The following ZFP2 variants were observed in gnomAD, a reference collection of about 807,000 sequenced individuals.
ZFP2 encodes ZFP2 zinc finger protein, also known as zinc finger protein ZFP2.
A neutral mutation model predicts 36.1 loss-of-function variants in ZFP2; 33 were observed. The ratio of observed to expected loss-of-function variants is 0.92; its 90% confidence interval spans 0.69 to 1.22. The LOEUF is 1.22. ZFP2 is among the 50% of genes most tolerant of loss of function. The probability of loss-of-function intolerance (pLI) is 0.00; values close to 1 mark genes in which losing one functional copy is unlikely to be tolerated. For missense variants in ZFP2, 522 were observed against 551.4 expected (o/e 0.95, Z 0.53); for synonymous variants, 170 against 178.0 (o/e 0.96, Z 0.36).
At chr5:178,917,312 A>C (rs951368229) in intron 4 of ZFP2, among the ~76,000 whole-genome samples, 4 of 152,172 alleles carry the variant, frequency 2.6e-5, no homozygotes, top group African/African-American at 9.7e-5. Context: ...TCTGTGTTTC[A>C]CACATGATTT....
Position 178,932,042 on chromosome 5 carries a change from A to T in ZFP2, c.729A>T (p.Glu243Asp). ...QRTHTGEKPYECNECGKAFSQ... is the reference protein window; with the variant it reads ...QRTHTGEKPYDCNECGKAFSQ... ...CTCATACAGGAGAAAAACCCTATGA[A>T]TGTAATGAATGTGGAAAAGCCTTCA... The change falls in exon 5 of 5, where the codon GAA becomes GAT. Residue 243 changes from glutamate to aspartate, a missense_variant. Physicochemically the swap from Glu to Asp is conservative, Grantham distance 45. Transcript: ENST00000361362. 1 of 1,613,986 alleles carries T rather than the reference A, an allele frequency of 6.2e-7. No individual in the cohort carries two copies. Among genetic ancestry groups the T allele is most frequent in the Non-Finnish European group, 8.5e-7 (1 of 1,179,984 alleles).
At chr5:178,908,515 C>T (rs13171869) in intron 1 of ZFP2, among the ~76,000 whole-genome samples, 28,719 of 151,154 alleles carry the variant, frequency 0.19, 3,404 homozygotes, top group Non-Finnish European at 0.25. Context: ...TACAGACCTG[C>T]CCTTAGAAAC....
At chr5:178,916,222 G>C (rs1287149417) in intron 3 of ZFP2, among the ~76,000 whole-genome samples, 1 of 152,128 alleles carries the variant, frequency 6.6e-6, no homozygotes, top group Admixed American at 6.6e-5. Context: ...GAAAATGCCT[G>C]TTGGATTTGG....
At chr5:178,913,528 C>T (rs1758347523) in intron 3 of ZFP2, among the ~76,000 whole-genome samples, 1 of 152,174 alleles carries the variant, frequency 6.6e-6, no homozygotes, top group South Asian at 2.1e-4. Flanking sequence ...CATTTCTCTT[C>T]CTCTGCATTG....
At chr5:178,920,294 A>G (rs138640322) in intron 4 of ZFP2, among the ~76,000 whole-genome samples, 2 of 152,106 alleles carry the variant, frequency 1.3e-5, no homozygotes, top group East Asian at 1.9e-4. Context: ...TGTTGGACCT[A>G]TTTAGCAAGA....
chr5:178,914,659 G>T (rs79422601), intron 3 of ZFP2, among the ~76,000 whole-genome samples: 5 of 151,988 alleles, frequency 3.3e-5, no homozygotes, highest in Non-Finnish European at 7.3e-5. Context: ...AAGAAGGGAG[G>T]GGGGGACAGA....
chr5:178,911,977 A>G (rs1341508529), intron 1 of ZFP2, among the ~76,000 whole-genome samples: 1 of 152,138 alleles, frequency 6.6e-6, no homozygotes, highest in Non-Finnish European at 1.5e-5. Flanking sequence ...CTCTACTAAA[A>G]TTACAAAAAT....
chr5:178,921,005 A>C (rs1327007330), intron 4 of ZFP2, among the ~76,000 whole-genome samples: 1 of 152,212 alleles, frequency 6.6e-6, no homozygotes. Flanking sequence ...AGCTCAGACT[A>C]CAAAGTCCAA....
intron 1 of ZFP2, among the ~76,000 whole-genome samples, chr5:178,900,339 TC>T (rs1758029264): frequency 1.5e-5 from 1 of 68,486 alleles, no homozygotes; most frequent in African/African-American, 6.0e-5. Context: ...CACGTCCCCC[TC>T]CCCAGCCAGA....
At chr5:178,920,071 T>C (rs1364932305) in intron 4 of ZFP2, among the ~76,000 whole-genome samples, 1 of 152,218 alleles carries the variant, frequency 6.6e-6, no homozygotes. Flanking sequence ...CTTTTAACCA[T>C]GATTTCTTCA....
chr5:178,932,708 T>G lies in ZFP2; in HGVS notation c.*9T>G. On this transcript the variant is annotated 3_prime_UTR_variant, in exon 5 of 5. Transcript: ENST00000361362. The stretch of plus-strand genomic sequence containing the variant: ...AAAGAACTCATACGTGAGGAATGTT[T>G]TCACTGGCCCTTACCTCATGATTAA... 6.3e-7 allele frequency: 1 copy of G among 1,577,036 alleles called. No homozygotes were observed.
At chr5:178,924,866 A>G (rs959674560) in intron 4 of ZFP2, among the ~76,000 whole-genome samples, 1 of 147,864 alleles carries the variant, frequency 6.8e-6, no homozygotes, top group Non-Finnish European at 1.5e-5. Context: ...TAATAATAAT[A>G]ATAAGGCAGA....
intron 1 of ZFP2, among the ~76,000 whole-genome samples, chr5:178,904,429 C>A (rs1239120109): frequency 6.6e-6 from 1 of 152,104 alleles, no homozygotes; most frequent in Non-Finnish European, 1.5e-5. Context: ...TGGCCCCTCT[C>A]AGGAGATGGC....
chr5:178,916,085 G>A (rs1257459353), intron 3 of ZFP2, among the ~76,000 whole-genome samples: 2 of 152,168 alleles, frequency 1.3e-5, no homozygotes, highest in African/African-American at 4.8e-5. Flanking sequence ...CAATAACATA[G>A]TGAGGGGGCC....
chr5:178,927,725 G>A (rs1239679791), intron 4 of ZFP2, among the ~76,000 whole-genome samples: 1 of 149,068 alleles, frequency 6.7e-6, no homozygotes, highest in Non-Finnish European at 1.5e-5. Flanking sequence ...TAGTAGAGAT[G>A]GGGTTTTGCT....
At chr5:178,903,435 C>T (rs1758098942) in intron 1 of ZFP2, among the ~76,000 whole-genome samples, 1 of 152,190 alleles carries the variant, frequency 6.6e-6, no homozygotes, top group South Asian at 2.1e-4. Flanking sequence ...TCAGAAACAA[C>T]TATGATGTAC....
At position 178,931,259 on chromosome 5, in the gene ZFP2, C is replaced by A; in HGVS notation, c.-55C>A. The A allele has an allele frequency of 6.6e-7, 1 of 1,516,446 alleles. No individual in the cohort carries two copies. The highest frequency in any genetic ancestry group is 8.8e-7 in the Non-Finnish European group (1 of 1,136,862). 93.9% of individuals were successfully genotyped at this position (1,516,446 alleles called of 1,614,324 possible). A position where few individuals can be genotyped will look rare whatever the true frequency, so the allele number is the denominator to read the frequency against. Reference sequence around the variant, plus strand: ...CAGACTGGGAGACAAGACTTGAAACCAAAGAGCCAACTCCGAAGCCGGGTA... The same window carrying A: ...CAGACTGGGAGACAAGACTTGAAACAAAAGAGCCAACTCCGAAGCCGGGTA... On this transcript the variant is annotated 5_prime_UTR_variant, in exon 5 of 5. Transcript: ENST00000361362.
chr5:178,898,514 A>G (rs4444956), intron 1 of ZFP2, among the ~76,000 whole-genome samples: 58,806 of 152,146 alleles, frequency 0.39, 12,683 homozygotes, highest in Non-Finnish European at 0.49. Context: ...TAGTTTATTT[A>G]TAGGTATTTT....
intron 4 of ZFP2, 24 bp downstream of exon 4, chr5:178,916,734 G>A (rs1415806090): frequency 2.4e-5 from 24 of 985,076 alleles, no homozygotes; most frequent in African/African-American, 7.0e-5. Context: ...CTCCTCTTAC[G>A]GTGGAAGACA....
Sources: gnomAD v4.1 joint callset for allele counts (sites outside exome capture counted in the v4.1 genomes callset) on GRCh38, gnomAD v4.1.1 for gene constraint, MANE v1.5 for transcripts, NCBI Gene and HGNC (gene_info 2026-07-23, HGNC 2026-07-21) for gene names.